The following SGCZ variants were observed in gnomAD, a reference collection of about 807,000 sequenced individuals.
SGCZ encodes zeta-sarcoglycan.
In SGCZ, 40 loss-of-function variants were observed where a neutral mutation model predicts 41.3. The ratio of observed to expected loss-of-function variants is 0.97; its 90% CI spans 0.75 to 1.26. SGCZ has a LOEUF of 1.26. SGCZ is among the 50% of genes most tolerant of loss of function. SGCZ has a pLI of 0.00. For missense variants in SGCZ, 552 were observed against 369.8 expected (o/e 1.49, Z -4.04); for synonymous variants, 206 against 137.5 (o/e 1.50, Z -3.49).
rs1563405023 is a variant in SGCZ at position 14,551,597 on chromosome 8, T to TAA, written c.234+3134_234+3135insTT. Among the ~76,000 whole-genome samples the TAA allele has an allele frequency of 9.5e-3, 347 of 36,378 alleles. 40 individuals are homozygous for TAA. Among genetic ancestry groups the TAA allele is most frequent in the African/African-American group, 0.031 (203 of 6,626 alleles). 23.9% of individuals were successfully genotyped at this position (36,378 alleles called of 152,430 possible). On this transcript the variant is annotated intron_variant, in intron 2 of 7. Coordinates refer to ENST00000382080, the MANE Select transcript of SGCZ (RefSeq NM_139167.4). The stretch of plus-strand genomic sequence containing the variant: ...ATATATATAATATATATAATATATA[T>TAA]TATATATATTATATATATACATAAA...
intron 1 of SGCZ, among the ~76,000 whole-genome samples, chr8:14,971,890 A>C (rs949936993): frequency 6.6e-6 from 1 of 151,650 alleles, no homozygotes; most frequent in African/African-American, 2.4e-5. Context: ...TCTCGTGATC[A>C]CCCTGCCTCG....
chr8:14,817,297 A>G (rs1305745438), intron 1 of SGCZ, among the ~76,000 whole-genome samples: 1 of 152,110 alleles, frequency 6.6e-6, no homozygotes, highest in African/African-American at 2.4e-5. Flanking sequence ...TCTTACAGGG[A>G]AAAGGTAAGC....
intron 1 of SGCZ, among the ~76,000 whole-genome samples, chr8:14,614,560 G>C (rs887710097): frequency 6.6e-6 from 1 of 151,908 alleles, no homozygotes; most frequent in Non-Finnish European, 1.5e-5. Flanking sequence ...CTCTCCTTTT[G>C]TGAATAGTAG....
At chr8:14,734,182 T>C (rs1213550333) in intron 1 of SGCZ, among the ~76,000 whole-genome samples, 2 of 152,190 alleles carry the variant, frequency 1.3e-5, no homozygotes, top group African/African-American at 4.8e-5. Flanking sequence ...AAATGCATTG[T>C]GACTCTGGCA....
At chr8:15,080,651 C>T (rs1007408527) in intron 1 of SGCZ, among the ~76,000 whole-genome samples, 1 of 151,958 alleles carries the variant, frequency 6.6e-6, no homozygotes, top group African/African-American at 2.4e-5. Context: ...AGTGCAGTGG[C>T]GCAATCTCAG....
chr8:14,434,358 G>C (rs1800027716), intron 2 of SGCZ, among the ~76,000 whole-genome samples: 1 of 152,136 alleles, frequency 6.6e-6, no homozygotes, highest in African/African-American at 2.4e-5. Context: ...TATGCTCTTT[G>C]GGTGACTGTG....
chr8:14,837,224 G>A (rs937792066), intron 1 of SGCZ, among the ~76,000 whole-genome samples: 10 of 152,168 alleles, frequency 6.6e-5, no homozygotes, highest in African/African-American at 2.4e-4. Flanking sequence ...GTGCTTTTAA[G>A]ATACAGTGGG....
intron 1 of SGCZ, among the ~76,000 whole-genome samples, chr8:15,087,259 T>A (rs1321677793): frequency 6.6e-6 from 1 of 152,024 alleles, no homozygotes; most frequent in Non-Finnish European, 1.5e-5. Context: ...TCTACTACAG[T>A]AGATTTTGCA....
intron 1 of SGCZ, among the ~76,000 whole-genome samples, chr8:14,672,935 T>A (rs1808151146): frequency 6.6e-6 from 1 of 152,160 alleles, no homozygotes; most frequent in Non-Finnish European, 1.5e-5. Context: ...TCTCTGCTGT[T>A]GTACAGAGAG....
intron 4 of SGCZ, among the ~76,000 whole-genome samples, chr8:14,208,609 C>G (rs1805694307): frequency 6.6e-6 from 1 of 152,042 alleles, no homozygotes; most frequent in Non-Finnish European, 1.5e-5. Context: ...ATAATAGAAT[C>G]AGACATTTTT....
intron 2 of SGCZ, among the ~76,000 whole-genome samples, chr8:14,384,975 G>C (rs557891632): frequency 1.3e-5 from 2 of 152,280 alleles, no homozygotes; most frequent in East Asian, 1.9e-4. Context: ...CCTTTATAAA[G>C]ACTCCTGAAT....
At position 14,451,944 on chromosome 8, in the gene SGCZ, T is replaced by TA. The variant is rs1229437657; in HGVS notation, c.234+102787dup. On this transcript the variant is annotated intron_variant, in intron 2 of 7. Transcript: ENST00000382080. The stretch of plus-strand genomic sequence containing the variant: ...TAATAGTTTCTTACAAAACTAAACA[T>TA]AGTCAGTTTACGATCCAGCAATCAT... Among the ~76,000 whole-genome samples the TA allele has an allele frequency of 2.6e-5, 4 of 152,180 alleles. No individual in the cohort carries two copies. The East Asian group carries it at 7.7e-4, about 29-fold the overall frequency.
intron 1 of SGCZ, among the ~76,000 whole-genome samples, chr8:14,908,977 C>T (rs1010475609): frequency 2.6e-5 from 4 of 152,062 alleles, no homozygotes; most frequent in Non-Finnish European, 5.9e-5. Flanking sequence ...TATTTTATGT[C>T]ATTATTTCTC....
intron 1 of SGCZ, among the ~76,000 whole-genome samples, chr8:14,626,157 A>T (rs1010496732): frequency 1.3e-5 from 2 of 151,830 alleles, no homozygotes; most frequent in African/African-American, 4.8e-5. Flanking sequence ...TATCATTTTT[A>T]TTTTATTTTA....
chr8:15,035,246 C>T (rs148358747), intron 1 of SGCZ, among the ~76,000 whole-genome samples: 7 of 152,154 alleles, frequency 4.6e-5, no homozygotes, highest in African/African-American at 1.7e-4. Context: ...GTGTTTAATG[C>T]AATTAAAGCT....
chr8:14,219,470 T>C (rs979048410), intron 4 of SGCZ, among the ~76,000 whole-genome samples: 1 of 152,136 alleles, frequency 6.6e-6, no homozygotes, highest in Non-Finnish European at 1.5e-5. Flanking sequence ...GAATGAGAAC[T>C]GGGCACAGTG....
At chr8:14,778,897 T>G (rs1009091659) in intron 1 of SGCZ, among the ~76,000 whole-genome samples, 1 of 152,190 alleles carries the variant, frequency 6.6e-6, no homozygotes, top group Non-Finnish European at 1.5e-5. Flanking sequence ...TCGCCATTCG[T>G]GAAAACACAT....
intron 1 of SGCZ, among the ~76,000 whole-genome samples, chr8:15,001,209 G>A (rs1182416687): frequency 1.3e-5 from 2 of 152,182 alleles, no homozygotes; most frequent in South Asian, 2.1e-4. Flanking sequence ...ACGAGAGAGA[G>A]AGAGACTGCT....
chr8:14,714,458 C>T (rs1809623067), intron 1 of SGCZ, among the ~76,000 whole-genome samples: 1 of 152,154 alleles, frequency 6.6e-6, no homozygotes, highest in African/African-American at 2.4e-5. Context: ...TAAAAACTTA[C>T]ATGAATTTCC....
Sources: allele counts gnomAD v4.1 joint callset (sites outside exome capture counted in the v4.1 genomes callset), GRCh38; gene constraint gnomAD v4.1.1; transcripts MANE v1.5; gene names NCBI Gene and HGNC (gene_info 2026-07-23, HGNC 2026-07-21).